The following RETREG3 variants were observed in gnomAD, a reference collection of about 807,000 sequenced individuals.
RETREG3 encodes reticulophagy regulator 3.
A neutral mutation model predicts 50.2 loss-of-function variants in RETREG3; 23 were observed. The observed-to-expected ratio is 0.46, with a 90% CI of 0.33 to 0.65. RETREG3 has a LOEUF of 0.65. Ranked by LOEUF, RETREG3 falls within the 30% of genes least tolerant of loss-of-function variation. The pLI is 0.02. For missense variants in RETREG3, 546 were observed against 598.0 expected, an observed-to-expected ratio of 0.91 and a Z score of 0.91; for synonymous variants, 240 against 234.4, an observed-to-expected ratio of 1.02 and a Z score of -0.22.
At position 42,607,986 on chromosome 17, in the gene RETREG3, C is replaced by G. The variant is rs540589595; in HGVS notation, c.239+1100G>C. On this transcript the variant is annotated intron_variant, in intron 1 of 8. Transcript: ENST00000309428. ...TAGCTTAATAGCTGAACACTGTTTT[C>G]GGGTCAATGAACTTGGAATTATTTG... is the stretch of plus-strand genomic sequence containing the variant. 2.0e-5 allele frequency among the ~76,000 whole-genome samples: 3 copies of G among 152,184 alleles called. No homozygotes were observed. In the South Asian group the frequency reaches 6.2e-4, roughly 32 times the overall value.
chr17:42,603,656 G>A (rs2093162297), intron 1 of RETREG3, among the ~76,000 whole-genome samples: 1 of 152,148 alleles, frequency 6.6e-6, no homozygotes, highest in Non-Finnish European at 1.5e-5. Context: ...CTATCATCAG[G>A]AACATTCACT....
At position 42,581,048 on chromosome 17, in the gene RETREG3, A is replaced by AAAAAGAAAAGAAAAG. The variant is rs10649777; in HGVS notation, c.*750_*764dup. The AAAAAGAAAAGAAAAG allele has an allele frequency of 8.5e-6, 1 of 117,930 alleles. No individual in the cohort carries two copies. The highest frequency in any genetic ancestry group is 3.3e-5 in the African/African-American group (1 of 30,292). The allele number at this position is 117,930 out of a possible 1,614,324, so 7.3% of individuals were successfully genotyped here. ...AGAGAGACTCTGTCTCAAAAAAAAA[A>AAAAAGAAAAGAAAAG]AAAAGAAAAGAAAAGAAAAGAAAAA... On this transcript the variant is annotated 3_prime_UTR_variant, in exon 9 of 9. Transcript: ENST00000309428.
At chr17:42,586,569 C>G (rs992664452) in intron 4 of RETREG3, 196 bp downstream of exon 4, 1 of 632,804 alleles carries the variant, frequency 1.6e-6, no homozygotes, top group African/African-American at 1.8e-5. Flanking sequence ...GCAACCACAC[C>G]AAATGAGCAG....
intron 1 of RETREG3, among the ~76,000 whole-genome samples, chr17:42,592,670 G>A (rs1326151119): frequency 6.6e-6 from 1 of 152,210 alleles, no homozygotes; most frequent in African/African-American, 2.4e-5. Flanking sequence ...AGCAAGTTCT[G>A]GCCAGGCACA....
At chr17:42,583,176 T>C (rs2093113675) in intron 7 of RETREG3, among the ~76,000 whole-genome samples, 1 of 152,160 alleles carries the variant, frequency 6.6e-6, no homozygotes, top group Admixed American at 6.6e-5. Context: ...ATACACATAC[T>C]GCACAGACCC....
intron 1 of RETREG3, among the ~76,000 whole-genome samples, chr17:42,604,040 C>T (rs1368723450): frequency 6.8e-6 from 1 of 146,026 alleles, no homozygotes; most frequent in Non-Finnish European, 1.5e-5. Flanking sequence ...AATATCTCTA[C>T]TTAAATGGGC....
chr17:42,597,613 ATATATATTTTTT>A (rs2093149614), intron 1 of RETREG3, among the ~76,000 whole-genome samples: 5 of 53,734 alleles, frequency 9.3e-5, no homozygotes, highest in Non-Finnish European at 1.6e-4. Flanking sequence ...ATATATATAT[ATATATATTTTTT>A]TTTTTTTTTT....
At chr17:42,599,472 T>C (rs910508519) in intron 1 of RETREG3, among the ~76,000 whole-genome samples, 2 of 151,726 alleles carry the variant, frequency 1.3e-5, no homozygotes, top group Non-Finnish European at 2.9e-5. Flanking sequence ...CTAGCTAACA[T>C]GGAGAAACTC....
At position 42,583,577 on chromosome 17, in the gene RETREG3, C is replaced by T. The variant is rs1190178899; in HGVS notation, c.731G>A (p.Arg244His). 6.2e-6 allele frequency: 10 copies of T among 1,612,844 alleles called. No homozygotes were observed. Among genetic ancestry groups the T allele is most frequent in the East Asian group, 2.2e-5 (1 of 44,832 alleles). ...TCGTTCTGGGTGGAGAGCTCTGCGG[C>T]GTACTGTGGGAAGAGCACAAAGTCT... Reference protein sequence around the residue: ...MMSKQRERQLRRRALHPERAM... With the variant: ...MMSKQRERQLHRRALHPERAM... Residue 244 changes from arginine (R) to histidine (H), a missense_variant, in exon 7 of 9, where the codon CGC becomes CAC. By Grantham distance (29) the Arg-to-His change is conservative. Coordinates refer to ENST00000309428, the MANE Select transcript of RETREG3 (RefSeq NM_178126.4).
At position 42,609,055 on chromosome 17, in the gene RETREG3, C is replaced by T. The variant is rs545643012; in HGVS notation, c.239+31G>A. ...TAGAGGAACCAACGAATTCGGGACT[C>T]GGAGGGTTTCCGAGGGTCCAGTTCT... On this transcript the variant is annotated intron_variant, in intron 1 of 8. Transcript: ENST00000309428. The T allele has an allele frequency of 8.2e-6, 13 of 1,591,948 alleles. No homozygotes were observed. In the Admixed American group the frequency reaches 1.5e-4, roughly 19 times the overall value.
rs1448279550 is a variant in RETREG3 at position 42,609,126 on chromosome 17, T to C, written c.199A>G (p.Arg67Gly). The C allele has an allele frequency of 2.5e-6, 4 of 1,608,836 alleles. No homozygotes were observed. The highest frequency in any genetic ancestry group is 3.4e-6 in the Non-Finnish European group (4 of 1,179,866). The change falls in exon 1 of 9, where the codon AGG becomes GGG. Residue 67 changes from arginine (R) to glycine (G), a missense_variant. Coordinates refer to ENST00000309428, the MANE Select transcript of RETREG3 (RefSeq NM_178126.4). The stretch of plus-strand genomic sequence containing the variant: ...AGCCCCAGGCACCACAGAGCGCTCC[T>C]AGCTGGCCGCTCCCACACCAGGGCT... ...QAALVWERPA[R>G]SALWCLGLNA...
Position 42,579,838 on chromosome 17 carries a change from A to C in RETREG3, c.*1975T>G, listed in dbSNP as rs1172044757. 1.3e-5 allele frequency: 2 copies of C among 152,670 alleles called. No individual in the cohort carries two copies. Among genetic ancestry groups the C allele is most frequent in the African/African-American group, 4.8e-5 (2 of 41,372 alleles). The allele number at this position is 152,670 out of a possible 1,614,324, so 9.5% of individuals were successfully genotyped here. On this transcript the variant is annotated 3_prime_UTR_variant, in exon 9 of 9. Transcript: ENST00000309428. ...ACCCCACTATGAGTGACTATGAGAC[A>C]CCTAACTCTTCCCTCTTCTGTCAAC...
chr17:42,590,954 G>C (rs1400498129), intron 2 of RETREG3, among the ~76,000 whole-genome samples: 1 of 152,146 alleles, frequency 6.6e-6, no homozygotes, highest in African/African-American at 2.4e-5. Flanking sequence ...CCAACAGAGT[G>C]AGACTCCGTC....
chr17:42,589,790 TG>T (rs2093128892), intron 2 of RETREG3, among the ~76,000 whole-genome samples: 1 of 152,220 alleles, frequency 6.6e-6, no homozygotes, highest in African/African-American at 2.4e-5. Flanking sequence ...ATCCATCATT[TG>T]TATTCACTGA....
chr17:42,591,529 G>A (rs556206680), intron 2 of RETREG3, among the ~76,000 whole-genome samples: 2 of 152,032 alleles, frequency 1.3e-5, no homozygotes, highest in African/African-American at 2.4e-5. Flanking sequence ...TTTATTAGAC[G>A]GGGTTTCATC....
chr17:42,595,957 G>A (rs539831994), intron 1 of RETREG3, among the ~76,000 whole-genome samples: 5 of 152,014 alleles, frequency 3.3e-5, no homozygotes, highest in African/African-American at 1.2e-4. Flanking sequence ...TAGGTAGAAG[G>A]AGTAACAGGC....
chr17:42,603,424 G>A (rs938375220), intron 1 of RETREG3, among the ~76,000 whole-genome samples: 2 of 152,056 alleles, frequency 1.3e-5, no homozygotes, highest in Admixed American at 6.6e-5. Context: ...CCAAGTCACC[G>A]GTAAATTCAA....
chr17:42,596,777 G>A (rs1350942336), intron 1 of RETREG3: 1 of 152,068 alleles, frequency 6.6e-6, no homozygotes, highest in Admixed American at 6.6e-5. Context: ...TGATAAACCT[G>A]TAAGAGAACA....
chr17:42,580,685 C>T lies in RETREG3; in HGVS notation c.*1128G>A, dbSNP rs1319965482. On this transcript the variant is annotated 3_prime_UTR_variant, in exon 9 of 9. Transcript: ENST00000309428. ...GGTTCAGGCCCCAAGAAATGATGGG[C>T]TAGATGAGAGGGAGCAGGCCTGTTC... 3.3e-5 allele frequency: 5 copies of T among 152,112 alleles called. No homozygotes were observed. The highest frequency in any genetic ancestry group is 1.2e-4 in the African/African-American group (5 of 41,132). The allele number at this position is 152,112 out of a possible 1,614,324, so 9.4% of individuals were successfully genotyped here. A position where few individuals can be genotyped will look rare whatever the true frequency, so the allele number is the denominator to read the frequency against.
Sources: allele counts gnomAD v4.1 joint callset (sites outside exome capture counted in the v4.1 genomes callset), GRCh38; gene constraint gnomAD v4.1.1; transcripts MANE v1.5; gene names NCBI Gene and HGNC (gene_info 2026-07-23, HGNC 2026-07-21).